The following CACNA1I variants were observed in gnomAD, a reference collection of about 807,000 sequenced individuals.
CACNA1I encodes the protein voltage-dependent T-type calcium channel subunit alpha-1I.
A neutral mutation model predicts 201.6 loss-of-function variants in CACNA1I; 74 were observed. That is an observed-to-expected ratio of 0.37 (90% CI 0.30 to 0.45). The LOEUF (loss-of-function observed/expected upper bound fraction) is 0.45, where lower values mean the gene tolerates loss of function less well. CACNA1I is among the 20% of genes least tolerant of loss of function. The pLI is 1.00. For missense variants in CACNA1I, 2,346 were observed against 3,138.1 expected (o/e 0.75, Z 6.03); for synonymous variants, 1,431 against 1,345.2 (o/e 1.06, Z -1.40).
At chr22:39,646,397 C>CT (rs992044015) in intron 7 of CACNA1I, among the ~76,000 whole-genome samples, 172 bp from the exon 8 acceptor site, 28 of 151,976 alleles carry the variant, frequency 1.8e-4, no homozygotes, top group African/African-American at 6.5e-4. Flanking sequence ...GCCCCTCCTC[C>CT]TTGCTTCATT....
At chr22:39,644,596 C>T (rs1240276009) in intron 7 of CACNA1I, among the ~76,000 whole-genome samples, 3 of 152,150 alleles carry the variant, frequency 2.0e-5, no homozygotes, top group Admixed American at 1.3e-4. Context: ...TGCAGGGTCA[C>T]CTCCTGTGAG....
chr22:39,649,512 C>T lies in CACNA1I; in HGVS notation c.1579C>T (p.Gln527Ter), dbSNP rs1934586056. 1 of 1,563,634 alleles carries T rather than the reference C, an allele frequency of 6.4e-7. No individual in the cohort carries two copies. The highest frequency in any genetic ancestry group is 8.7e-7 in the Non-Finnish European group (1 of 1,154,332). ...CATTTGCTTTTCAGAGCTGTGCCCG[C>T]AACATAGCCCCCTGGATGCGACGCC... ...NDHSGRELCP[Q>*]HSPLDATPHT... The change falls in exon 10 of 37, where the codon CAA becomes TAA. Residue 527 changes from glutamine to a stop codon, truncating the protein, a stop_gained. Transcript: ENST00000402142. LOFTEE classifies it high-confidence loss of function. This position sits in a 1 kb window ranked among gnomAD's most constrained non-coding sequence, Gnocchi z 7.3.
At chr22:39,657,557 G>A (rs1307947091) in intron 10 of CACNA1I, among the ~76,000 whole-genome samples, 1 of 152,234 alleles carries the variant, frequency 6.6e-6, no homozygotes, top group African/African-American at 2.4e-5. Flanking sequence ...AAGGGCAGGA[G>A]TCTTGGAGCC....
rs1934543582 is a variant in CACNA1I at position 39,648,026 on chromosome 22, T to G, written c.1567+100T>G. 1.7e-5 allele frequency: 18 copies of G among 1,053,634 alleles called. No individual in the cohort carries two copies. In the South Asian group the frequency reaches 2.5e-4, roughly 15 times the overall value. The allele number at this position is 1,053,634 out of a possible 1,614,324, so 65.3% of individuals were successfully genotyped here. A position where few individuals can be genotyped will look rare whatever the true frequency, so the allele number is the denominator to read the frequency against. ...AGTCGGCAGGCATGGGGACGGCGCT[T>G]GAGCAGCCGCGACCCTCTGCAGGCC... On this transcript the variant is annotated intron_variant, in intron 9 of 36. Transcript: ENST00000402142. This position sits in a 1 kb window ranked among gnomAD's most constrained non-coding sequence, Gnocchi z 5.4.
chr22:39,595,394 C>T (rs189806630), intron 1 of CACNA1I, among the ~76,000 whole-genome samples: 3 of 152,094 alleles, frequency 2.0e-5, no homozygotes, highest in East Asian at 3.9e-4. Flanking sequence ...GAGGCCGAGG[C>T]GGGTGGATCA....
rs1215241270 is a variant in CACNA1I at position 39,662,149 on chromosome 22, C to T, written c.3086C>T (p.Ala1029Val). 18 of 1,527,198 alleles carry T rather than the reference C, an allele frequency of 1.2e-5. No homozygotes were observed. The highest frequency in any genetic ancestry group is 3.6e-5 in the South Asian group (3 of 82,334). 94.6% of individuals were successfully genotyped at this position (1,527,198 alleles called of 1,614,324 possible). Residue 1029 changes from alanine (A) to valine (V), a missense_variant, in exon 17 of 37, where the codon GCC (alanine) becomes GTC (valine). By Grantham distance (64) the Ala-to-Val change is moderately conservative. Around this residue, in one of 13 missense-constraint regions of CACNA1I, gnomAD observed 288 missense variants for 255.2 expected, o/e 1.13. Coordinates refer to ENST00000402142, the MANE Select transcript of CACNA1I (RefSeq NM_021096.4). ...EVAADEGPPR[A>V]APLHTPHAHH... ...GCCGCGGACGAGGGGCCGCCGCGGGCCGCACCCCTGCACACCCCACACGCC... is the reference window on the plus strand; with the variant it reads ...GCCGCGGACGAGGGGCCGCCGCGGGTCGCACCCCTGCACACCCCACACGCC...
intron 1 of CACNA1I, among the ~76,000 whole-genome samples, chr22:39,581,170 T>C (rs1429556832): frequency 1.3e-5 from 2 of 151,962 alleles, no homozygotes; most frequent in Non-Finnish European, 2.9e-5. Flanking sequence ...CCTCCTCCCA[T>C]GAAGAAGGAA....
intron 10 of CACNA1I, among the ~76,000 whole-genome samples, chr22:39,655,300 C>T (rs959803991): frequency 6.6e-6 from 1 of 152,154 alleles, no homozygotes; most frequent in African/African-American, 2.4e-5. Context: ...CTTATCTACC[C>T]CTACAGAAAT....
intron 3 of CACNA1I, among the ~76,000 whole-genome samples, chr22:39,606,781 C>T (rs955025007): frequency 6.6e-6 from 1 of 152,388 alleles, no homozygotes; most frequent in East Asian, 1.9e-4. Flanking sequence ...ATCCACCCTC[C>T]TCGGCCTCCC....
At chr22:39,632,267 C>T (rs535030442) in intron 4 of CACNA1I, among the ~76,000 whole-genome samples, 1 of 152,264 alleles carries the variant, frequency 6.6e-6, no homozygotes, top group East Asian at 1.9e-4. Context: ...GCCTCCTGCC[C>T]CTGTCCTGGC....
At chr22:39,652,088 C>T (rs1359269724) in intron 10 of CACNA1I, among the ~76,000 whole-genome samples, 1 of 149,822 alleles carries the variant, frequency 6.7e-6, no homozygotes, top group African/African-American at 2.5e-5. Context: ...GGCTGGAGTG[C>T]ATTGGTGTGA....
chr22:39,674,780 G>A (rs1935473206), intron 29 of CACNA1I, among the ~76,000 whole-genome samples: 1 of 152,152 alleles, frequency 6.6e-6, no homozygotes, highest in African/African-American at 2.4e-5. Context: ...TCATCAGGAA[G>A]TTTAGGTGCC....
intron 1 of CACNA1I, among the ~76,000 whole-genome samples, chr22:39,589,597 A>G (rs1932798747): frequency 6.6e-6 from 1 of 152,218 alleles, no homozygotes; most frequent in Non-Finnish European, 1.5e-5. Context: ...GAAGGAGCTG[A>G]GCCTGGTTCA....
chr22:39,662,793 C>G lies in CACNA1I; in HGVS notation c.3390C>G (p.Val1130=). Reference sequence around the variant, plus strand: ...CTTGCTAGACCCTGTGCTTCCGCGTCCGCAAGATGATCGACGTCTATAAGC... The same window carrying G: ...CTTGCTAGACCCTGTGCTTCCGCGTGCGCAAGATGATCGACGTCTATAAGC... ...EEIDYTLCFR[V]RKMIDVYKPD... Residue 1130 remains valine (V), a synonymous_variant, in exon 18 of 37, where the codon GTC becomes GTG. Coordinates refer to ENST00000402142, the MANE Select transcript of CACNA1I (RefSeq NM_021096.4). 6.3e-7 allele frequency: 1 copy of G among 1,593,378 alleles called. No individual in the cohort carries two copies. Among genetic ancestry groups the G allele is most frequent in the African/African-American group, 1.3e-5 (1 of 74,534 alleles).
intron 27 of CACNA1I, among the ~76,000 whole-genome samples, 189 bp downstream of exon 27, chr22:39,672,497 C>T (rs1204069642): frequency 1.3e-5 from 2 of 152,138 alleles, no homozygotes; most frequent in Non-Finnish European, 2.9e-5. Context: ...ATCTGATGGG[C>T]GTAGGGCATT....
At chr22:39,682,393 G>T in intron 34 of CACNA1I, 103 bp from the exon 35 acceptor site, 1 of 921,280 alleles carries the variant, frequency 1.1e-6, no homozygotes, top group South Asian at 1.6e-5. Context: ...TAGACATGAG[G>T]GTAGCCTAGT....
chr22:39,664,255 G>A (rs982429054), intron 20 of CACNA1I, 96 bp downstream of exon 20: 8 of 1,050,326 alleles, frequency 7.6e-6, no homozygotes, highest in South Asian at 1.4e-5. Context: ...GCCTGCCATC[G>A]GCTTCATTTC....
chr22:39,601,905 C>T (rs61429570), intron 3 of CACNA1I, among the ~76,000 whole-genome samples: 3 of 32,762 alleles, frequency 9.2e-5, no homozygotes, highest in African/African-American at 2.0e-4. Flanking sequence ...CTCCCTCCCT[C>T]CCTCCCTCCC....
Position 39,684,856 on chromosome 22 carries a change from C to T in CACNA1I, c.6027+358C>T. On this transcript the variant is annotated intron_variant, in intron 36 of 36. Coordinates refer to ENST00000402142, the MANE Select transcript of CACNA1I (RefSeq NM_021096.4). The surrounding 1 kb of genome is among the most constrained non-coding windows in gnomAD (Gnocchi z 4.6). The stretch of plus-strand genomic sequence containing the variant: ...GGCAGTGGGGAGGACACCCTGGGTG[C>T]TCTGGGTGGGTGTGAGTGGGGGCTT... 2.0e-6 allele frequency: 1 copy of T among 500,208 alleles called. No homozygotes were observed. Among genetic ancestry groups the T allele is most frequent in the East Asian group, 3.3e-5 (1 of 30,392 alleles). The allele number at this position is 500,208 out of a possible 1,614,324, so 31.0% of individuals were successfully genotyped here.
Sources: gnomAD v4.1 joint callset for allele counts (sites outside exome capture counted in the v4.1 genomes callset) on GRCh38, gnomAD v4.1.1 for gene constraint, gnomAD v4.1.1 regional missense constraint, Gnocchi (gnomAD v3.1) non-coding constraint, MANE v1.5 for transcripts, NCBI Gene and HGNC (gene_info 2026-07-23, HGNC 2026-07-21) for gene names.